The following PI16 variants were observed in gnomAD, a reference collection of about 807,000 sequenced individuals.
PI16 encodes the protein peptidase inhibitor 16.
Under a neutral mutation model 38.0 loss-of-function variants are expected in PI16, and 35 were observed. The observed-to-expected ratio is 0.92, with a 90% CI of 0.70 to 1.22. PI16 has a LOEUF of 1.22. Ranked by LOEUF, PI16 falls within the 50% of genes most tolerant of loss-of-function variation. PI16 has a pLI of 0.00. For missense variants in PI16, 572 were observed against 593.8 expected (o/e 0.96, Z 0.38); for synonymous variants, 275 against 252.9 (o/e 1.09, Z -0.83).
rs951465939 is a variant in PI16, at chr6:36,962,127, G to GC, written c.592+159dup. ...CCGGGGGCCCCTGGCGGCTCCCTTA[G>GC]CCCCCCACGCGCAGCCACTTTGGCG... On this transcript the variant is annotated intron_variant, in intron 4 of 6. Coordinates refer to ENST00000373674, the MANE Select transcript of PI16 (RefSeq NM_153370.3). This position sits in a 1 kb window ranked among gnomAD's most constrained non-coding sequence, Gnocchi z 4.1. Among the ~76,000 whole-genome samples the GC allele has an allele frequency of 5.9e-5, 9 of 152,188 alleles. No individual in the cohort carries two copies. Among genetic ancestry groups the GC allele is most frequent in the Non-Finnish European group, 2.9e-5 (2 of 68,024 alleles).
In PI16 at chr6:36,963,185, A is replaced by G; in HGVS notation, c.843A>G (p.Pro281=). 1 of 1,614,194 alleles carries G rather than the reference A, an allele frequency of 6.2e-7. No individual in the cohort carries two copies. Among genetic ancestry groups the G allele is most frequent in the South Asian group, 1.1e-5 (1 of 91,090 alleles). Residue 281 remains proline, a synonymous_variant, in exon 5 of 7, where the codon CCA becomes CCG. Coordinates refer to ENST00000373674, the MANE Select transcript of PI16 (RefSeq NM_153370.3). Reference sequence around the variant, plus strand: ...CGCCCTCCATGGCAACAGAGGCTCCACCTTGCGTAACAACTGAGGTCCCTT... The same window carrying G: ...CGCCCTCCATGGCAACAGAGGCTCCGCCTTGCGTAACAACTGAGGTCCCTT... ...KDPPSMATEA[P]PCVTTEVPSI... is the part of the protein sequence containing the mutation.
intron 3 of PI16, 140 bp from the exon 4 acceptor site, chr6:36,961,746 G>C: frequency 1.1e-6 from 1 of 893,724 alleles, no homozygotes; most frequent in Non-Finnish European, 1.8e-6. Context: ...GCCAGGAGGA[G>C]CCCAAGTTCG....
At chr6:36,951,487 C>A (rs1028864023), upstream of PI16, among the ~76,000 whole-genome samples, 3 of 152,100 alleles carry the variant, frequency 2.0e-5, no homozygotes, top group Non-Finnish European at 2.9e-5. Flanking sequence ...TGGTCTCAAG[C>A]GATCGGCCCG....
At chr6:36,954,504 A>C, upstream of PI16, 1 of 478,474 alleles carries the variant, frequency 2.1e-6, no homozygotes, top group Non-Finnish European at 3.7e-6. Context: ...TCCACAACTT[A>C]GGAACTCACA....
intron 5 of PI16, 63 bp from the exon 6 acceptor site, chr6:36,963,760 G>T: frequency 1.3e-6 from 2 of 1,534,676 alleles, no homozygotes; most frequent in East Asian, 2.3e-5. Context: ...TTGCATGGTG[G>T]GGTGGGCGGG....
chr6:36,963,546 C>T lies in PI16; in HGVS notation c.1204C>T (p.Pro402Ser). The change falls in exon 5 of 7, where the codon CCC becomes TCC. Residue 402 changes from proline (P) to serine (S), a missense_variant. Physicochemically the swap from Pro to Ser is moderately conservative, Grantham distance 74 (BLOSUM62 -1). Transcript: ENST00000373674. ...CTCCTCCAAGTCCCTGCCCAATTTCCCCAATACCTCTGCCACCGCTAATGC... is the reference window on the plus strand; with the variant it reads ...CTCCTCCAAGTCCCTGCCCAATTTCTCCAATACCTCTGCCACCGCTAATGC... ...HTSSKSLPNF[P>S]NTSATANATG... 1 of 1,614,186 alleles carries T rather than the reference C, an allele frequency of 6.2e-7. No individual in the cohort carries two copies. The highest frequency in any genetic ancestry group is 8.5e-7 in the Non-Finnish European group (1 of 1,180,028).
At position 36,962,230 on chromosome 6, in the gene PI16, G is replaced by A. The variant is rs1429555305; in HGVS notation, c.592+256G>A. On this transcript the variant is annotated intron_variant, in intron 4 of 6. Transcript: ENST00000373674. The surrounding 1 kb of genome is among the most constrained non-coding windows in gnomAD (Gnocchi z 4.1). ...AAGTCTGGCGGCTTCGGGGGGGCCC[G>A]CGCGAGGTGGGTGTCGCCACACTTT... 1.3e-5 allele frequency among the ~76,000 whole-genome samples: 2 copies of A among 152,170 alleles called. No individual in the cohort carries two copies. The highest frequency in any genetic ancestry group is 4.8e-5 in the African/African-American group (2 of 41,440).
At chr6:36,952,676 T>C (rs533667009), upstream of PI16, among the ~76,000 whole-genome samples, 1 of 152,354 alleles carries the variant, frequency 6.6e-6, no homozygotes, top group South Asian at 2.1e-4. Flanking sequence ...TTTATACTAA[T>C]ACCACACTAT....
At chr6:36,955,631 G>C (rs759434158) in intron 1 of PI16, among the ~76,000 whole-genome samples, 1 of 152,182 alleles carries the variant, frequency 6.6e-6, no homozygotes, top group South Asian at 2.1e-4. Context: ...ATACTGAATG[G>C]GGGAGGAAAT....
At chr6:36,954,596 C>A (rs540605638), upstream of PI16, 169 of 1,099,564 alleles carry the variant, frequency 1.5e-4, no homozygotes, top group African/African-American at 1.9e-3. Context: ...TGATGCTGGT[C>A]GGGACCCAAA....
chr6:36,959,867 CAA>C (rs3997728), intron 2 of PI16, among the ~76,000 whole-genome samples: 55,484 of 118,022 alleles, frequency 0.47, 12,341 homozygotes, highest in Admixed American at 0.58. Context: ...GGCCCTGTCT[CAA>C]AAAAAAAAAA....
upstream of PI16, among the ~76,000 whole-genome samples, chr6:36,950,729 GAC>G (rs1217847337): frequency 2.6e-5 from 4 of 152,132 alleles, no homozygotes; most frequent in African/African-American, 9.7e-5. The surrounding 1 kb of genome is among the most constrained non-coding windows in gnomAD (Gnocchi z 4.2). Flanking sequence ...TTTTGGCAAA[GAC>G]AGGGTTTCTC....
rs763050257 is a variant in PI16, at chr6:36,963,613, G to A, written c.1270+1G>A. 4 of 1,613,024 alleles carry A rather than the reference G, an allele frequency of 2.5e-6. No individual in the cohort carries two copies. The highest frequency in any genetic ancestry group is 1.1e-5 in the South Asian group (1 of 90,978). On this transcript the variant is annotated splice_donor_variant, in intron 5 of 6. Coordinates refer to ENST00000373674, the MANE Select transcript of PI16 (RefSeq NM_153370.3). LOFTEE classifies it high-confidence loss of function. The stretch of plus-strand genomic sequence containing the variant: ...CTGGCTCTGCAGTCGTCCTTGCCAG[G>A]TAAGGCCCATAGCATCTGTCCCACT...
rs1190054072 is a variant in PI16 at position 36,959,353 on chromosome 6, G to T, written c.380G>T (p.Gly127Val). The T allele has an allele frequency of 1.9e-6, 3 of 1,556,150 alleles. No individual in the cohort carries two copies. The highest frequency in any genetic ancestry group is 2.7e-5 in the African/African-American group (2 of 73,660). The change falls in exon 2 of 7, where the codon GGC (glycine) becomes GTC (valine). Residue 127 changes from glycine to valine, a missense_variant. Transcript: ENST00000373674. Reference sequence around the variant, plus strand: ...ACCTGCAGCCCAGGCCAGATGTGCGGCCACTACACGCAGGTGTGGGCCCGG... The same window carrying T: ...ACCTGCAGCCCAGGCCAGATGTGCGTCCACTACACGCAGGTGTGGGCCCGG... ...AATCSPGQMCGHYTQVVWAKT... is the reference protein window; with the variant it reads ...AATCSPGQMCVHYTQVVWAKT...
chr6:36,959,482 A>G lies in PI16; in HGVS notation c.393+116A>G, dbSNP rs567359983. ...CCTCCTAAGCGTCCTCGCTGCAAGT[A>G]GGCGGGCTTCACTCCAAGCCCCCTC... On this transcript the variant is annotated intron_variant, in intron 2 of 6. Transcript: ENST00000373674. 1.2e-4 allele frequency: 125 copies of G among 1,063,990 alleles called. No individual in the cohort carries two copies. In the African/African-American group the frequency reaches 1.8e-3, roughly 15 times the overall value. 65.9% of individuals were successfully genotyped at this position (1,063,990 alleles called of 1,614,324 possible).
intron 2 of PI16, among the ~76,000 whole-genome samples, chr6:36,960,892 C>A (rs1196465671): frequency 6.6e-6 from 1 of 152,084 alleles, no homozygotes; most frequent in East Asian, 1.9e-4. Context: ...TGGCAGCACA[C>A]AAATGTTGTT....
rs1371714585 is a variant in PI16, at chr6:36,963,275, C to T, written c.933C>T (p.Thr311=). The change falls in exon 5 of 7, where the codon ACC becomes ACT. Residue 311 remains threonine, a synonymous_variant. Coordinates refer to ENST00000373674, the MANE Select transcript of PI16 (RefSeq NM_153370.3). The stretch of plus-strand genomic sequence containing the variant: ...AGCCAGTTACCTTCCCCAAATCGAC[C>T]CATGTTCCTATCCCAAAATCAGCAG... ...DEEPVTFPKS[T]HVPIPKSADK... The T allele has an allele frequency of 6.2e-7, 1 of 1,614,218 alleles. No homozygotes were observed. The highest frequency in any genetic ancestry group is 8.5e-7 in the Non-Finnish European group (1 of 1,180,030).
In PI16 at chr6:36,963,835, C is replaced by G; in HGVS notation, c.1283C>G (p.Pro428Arg). The change falls in exon 6 of 7, where the codon CCT becomes CGT. Residue 428 changes from proline to arginine, a missense_variant. Physicochemically the swap from Pro to Arg is moderately radical, Grantham distance 103 (BLOSUM62 -2). Transcript: ENST00000373674. ...LQSSLPGAEG[P>R]DKPSVVSGLN... ...TTTCTTCCCACAGGTGCAGAGGGCC[C>G]TGACAAGCCTAGCGTCGTGTCAGGG... 6.3e-7 allele frequency: 1 copy of G among 1,599,880 alleles called. No homozygotes were observed. The highest frequency in any genetic ancestry group is 8.5e-7 in the Non-Finnish European group (1 of 1,174,682).
chr6:36,963,268 A>C lies in PI16; in HGVS notation c.926A>C (p.Lys309Thr). 1.9e-6 allele frequency: 3 copies of C among 1,614,124 alleles called. No individual in the cohort carries two copies. Among genetic ancestry groups the C allele is most frequent in the East Asian group, 2.2e-5 (1 of 44,882 alleles). Reference sequence around the variant, plus strand: ...GATGAGGAGCCAGTTACCTTCCCCAAATCGACCCATGTTCCTATCCCAAAA... The same window carrying C: ...GATGAGGAGCCAGTTACCTTCCCCACATCGACCCATGTTCCTATCCCAAAA... ...SLDEEPVTFP[K>T]STHVPIPKSA... Residue 309 changes from lysine (K) to threonine (T), a missense_variant, in exon 5 of 7, where the codon AAA becomes ACA. Physicochemically the swap from Lys to Thr is moderately conservative, Grantham distance 78. Coordinates refer to ENST00000373674, the MANE Select transcript of PI16 (RefSeq NM_153370.3).
Sources: gnomAD v4.1 joint callset for allele counts (sites outside exome capture counted in the v4.1 genomes callset) on GRCh38, gnomAD v4.1.1 for gene constraint, Gnocchi (gnomAD v3.1) non-coding constraint, MANE v1.5 for transcripts, NCBI Gene and HGNC (gene_info 2026-07-23, HGNC 2026-07-21) for gene names.